Variants in C3orf20 observed in about 807,000 individuals in gnomAD.
C3orf20 encodes the protein family with sequence similarity 149 member C, also known as uncharacterized protein C3orf20.
In C3orf20, 76 loss-of-function variants were observed where a neutral mutation model predicts 88.3. The ratio of observed to expected loss-of-function variants is 0.86; its 90% CI spans 0.72 to 1.04. The LOEUF is 1.04. C3orf20 is among the 50% of genes least tolerant of loss of function. The pLI, the probability that C3orf20 is intolerant of heterozygous loss-of-function variation, is 0.00. For missense variants in C3orf20, 1,056 were observed against 1,123.3 expected (o/e 0.94, Z 0.86); for synonymous variants, 436 against 437.4 (o/e 1.00, Z 0.04).
At chr3:14,736,577 C>CA (rs964574889) in intron 12 of C3orf20, among the ~76,000 whole-genome samples, 4 of 149,866 alleles carry the variant, frequency 2.7e-5, no homozygotes, top group African/African-American at 7.5e-5. Context: ...AGGCATGAGC[C>CA]ACTGCGCCTG....
At position 14,723,324 on chromosome 3, in the gene C3orf20, T is replaced by C. The variant is rs112808753; in HGVS notation, c.1566+1540T>C. 4.4e-3 allele frequency among the ~76,000 whole-genome samples: 670 copies of C among 152,360 alleles called. 4 individuals are homozygous for C. Among genetic ancestry groups the C allele is most frequent in the African/African-American group, 0.014 (585 of 41,594 alleles). The stretch of plus-strand genomic sequence containing the variant: ...TGTTAGGGGTCTCCTTTGTTACTCC[T>C]GGAGGAAAGCATTGCATCTGTTTTC... On this transcript the variant is annotated intron_variant, in intron 10 of 16. Transcript: ENST00000253697.
chr3:14,757,277 C>A, intron 12 of C3orf20, 94 bp from the exon 13 acceptor site: 1 of 1,108,640 alleles, frequency 9.0e-7, no homozygotes, highest in Non-Finnish European at 1.3e-6. Context: ...CTGCCTGCAG[C>A]AGGGCCTTTG....
At chr3:14,758,370 A>C (rs1441209417) in intron 13 of C3orf20, among the ~76,000 whole-genome samples, 1 of 152,184 alleles carries the variant, frequency 6.6e-6, no homozygotes, top group Non-Finnish European at 1.5e-5. Flanking sequence ...CTGAGGTCTA[A>C]AGGGAGTCTT....
At chr3:14,713,036 C>G (rs2124956791) in intron 7 of C3orf20, among the ~76,000 whole-genome samples, 1 of 152,212 alleles carries the variant, frequency 6.6e-6, no homozygotes, top group East Asian at 1.9e-4. Context: ...TATTGAAGTT[C>G]TCTTATATAA....
In C3orf20 at chr3:14,684,322, T is replaced by C. The variant is rs781015552; in HGVS notation, c.565T>C (p.Phe189Leu). The change falls in exon 4 of 17, where the codon TTC (phenylalanine) becomes CTC (leucine). Residue 189 changes from phenylalanine (F) to leucine (L), a missense_variant. By Grantham distance (22) the Phe-to-Leu change is conservative. Coordinates refer to ENST00000253697, the MANE Select transcript of C3orf20 (RefSeq NM_032137.5). The stretch of plus-strand genomic sequence containing the variant: ...CCACCTCAATGCCAAGGAGATGGCC[T>C]TCAACTGCCTGATCAGCACAGCCGG... ...LLHLNAKEMA[F>L]NCLISTAGRS... 3.7e-6 allele frequency: 6 copies of C among 1,614,154 alleles called. No homozygotes were observed. The highest frequency in any genetic ancestry group is 4.2e-6 in the Non-Finnish European group (5 of 1,180,014).
intron 15 of C3orf20, 117 bp downstream of exon 15, chr3:14,761,732 T>TGGGGTGGGGG: frequency 3.4e-6 from 1 of 291,364 alleles, no homozygotes; most frequent in Non-Finnish European, 5.7e-6. Flanking sequence ...AGGGATGGAG[T>TGGGGTGGGGG]GGGGAGGGGG....
At chr3:14,758,635 A>G (rs1338595556) in intron 13 of C3orf20, among the ~76,000 whole-genome samples, 2 of 151,940 alleles carry the variant, frequency 1.3e-5, no homozygotes, top group Non-Finnish European at 2.9e-5. Context: ...CCATTTCCCA[A>G]TTGCTGCTGC....
At chr3:14,712,699 C>A (rs1418546376) in intron 7 of C3orf20, among the ~76,000 whole-genome samples, 1 of 152,058 alleles carries the variant, frequency 6.6e-6, no homozygotes, top group African/African-American at 2.4e-5. Context: ...GCTGAAAATA[C>A]AATACTGGAT....
intron 12 of C3orf20, among the ~76,000 whole-genome samples, chr3:14,738,747 T>C (rs2034807281): frequency 7.0e-6 from 1 of 143,510 alleles, no homozygotes; most frequent in Non-Finnish European, 1.5e-5. Context: ...TTCAAGCGAC[T>C]CTCCTGCCTC....
chr3:14,686,175 T>A (rs1684795745), intron 4 of C3orf20, among the ~76,000 whole-genome samples: 1 of 137,332 alleles, frequency 7.3e-6, no homozygotes, highest in South Asian at 2.3e-4. Flanking sequence ...TTTCCTTTTT[T>A]AATAGCTGAA....
intron 5 of C3orf20, among the ~76,000 whole-genome samples, chr3:14,692,394 C>T (rs1457522564): frequency 6.6e-6 from 1 of 152,204 alleles, no homozygotes; most frequent in Non-Finnish European, 1.5e-5. Flanking sequence ...TTCTCCACAT[C>T]CTCACCAGCA....
At chr3:14,733,208 A>T (rs533309165) in intron 12 of C3orf20, among the ~76,000 whole-genome samples, 1 of 152,238 alleles carries the variant, frequency 6.6e-6, no homozygotes, top group East Asian at 1.9e-4. Flanking sequence ...TAATGTTTTT[A>T]TCTATTGAGA....
intron 12 of C3orf20, among the ~76,000 whole-genome samples, chr3:14,751,146 T>G (rs980021379): frequency 3.3e-5 from 5 of 152,260 alleles, no homozygotes; most frequent in African/African-American, 9.6e-5. Context: ...CTTTTCATAA[T>G]TCTTGTCTCT....
intron 5 of C3orf20, among the ~76,000 whole-genome samples, chr3:14,697,652 C>G (rs13325687): frequency 0.32 from 47,113 of 147,182 alleles, 8,005 homozygotes; most frequent in African/African-American, 0.37. Context: ...GCTGCACCCC[C>G]CAACTCATCA....
intron 5 of C3orf20, among the ~76,000 whole-genome samples, chr3:14,700,020 C>T (rs2033183558): frequency 6.6e-6 from 1 of 152,182 alleles, no homozygotes; most frequent in African/African-American, 2.4e-5. Flanking sequence ...TTTTGCTTTC[C>T]ACTGTGACAG....
chr3:14,684,236 C>T lies in C3orf20; in HGVS notation c.485-6C>T, dbSNP rs369563013. 1.3e-4 allele frequency: 211 copies of T among 1,613,766 alleles called. No homozygotes were observed. The African/African-American group carries it at 2.7e-3, about 21-fold the overall frequency. The stretch of plus-strand genomic sequence containing the variant: ...GGACACGTGTTGCTTTCTATCATTG[C>T]TTTAGTGGGTGCCAACCCCTTGGAC... On this transcript the variant is annotated splice_region_variant and splice_polypyrimidine_tract_variant and intron_variant, in intron 3 of 16. Transcript: ENST00000253697.
chr3:14,700,362 A>G (rs893011935), intron 5 of C3orf20, among the ~76,000 whole-genome samples: 1 of 152,170 alleles, frequency 6.6e-6, no homozygotes, highest in African/African-American at 2.4e-5. Context: ...ATTACAATAT[A>G]TTGTTTTAAT....
intron 4 of C3orf20, among the ~76,000 whole-genome samples, chr3:14,687,366 C>T (rs1199593826): frequency 6.6e-6 from 1 of 152,170 alleles, no homozygotes; most frequent in East Asian, 1.9e-4. Context: ...TGTGATAAAA[C>T]ACTCTTACCC....
intron 5 of C3orf20, among the ~76,000 whole-genome samples, chr3:14,698,487 G>A (rs1414948242): frequency 6.6e-6 from 1 of 152,246 alleles, no homozygotes; most frequent in Non-Finnish European, 1.5e-5. Context: ...GCATTAGGGG[G>A]CACCCCAAGC....
Sources: allele counts gnomAD v4.1 joint callset (sites outside exome capture counted in the v4.1 genomes callset), GRCh38; gene constraint gnomAD v4.1.1; transcripts MANE v1.5; gene names NCBI Gene and HGNC (gene_info 2026-07-23, HGNC 2026-07-21).